FARP1: variants seen among roughly 807,000 people sequenced by gnomAD.
FARP1 encodes the protein FERM, ARH/RhoGEF and pleckstrin domain protein 1.
Under a neutral mutation model 128.8 loss-of-function variants are expected in FARP1, and 52 were observed. That is an observed-to-expected ratio of 0.40 (90% CI 0.32 to 0.51). FARP1 has a LOEUF of 0.51. FARP1 is among the 20% of genes least tolerant of loss of function. FARP1 has a pLI of 0.45. For synonymous variants in FARP1, 580 were observed against 551.8 expected (o/e 1.05, Z -0.72); for missense variants, 1,333 against 1,367.9 (o/e 0.97, Z 0.40).
At chr13:98,182,448 C>T (rs1403499520) in intron 1 of FARP1, among the ~76,000 whole-genome samples, 3 of 152,162 alleles carry the variant, frequency 2.0e-5, no homozygotes, top group South Asian at 2.1e-4. Context: ...ATCTCAGCCT[C>T]CTGAGTAGCT....
chr13:98,338,002 T>TA (rs1887814015), intron 2 of FARP1, among the ~76,000 whole-genome samples: 1 of 152,196 alleles, frequency 6.6e-6, no homozygotes, highest in Non-Finnish European at 1.5e-5. Flanking sequence ...AATAGATTCT[T>TA]TGTTTTCTTA....
intron 2 of FARP1, among the ~76,000 whole-genome samples, chr13:98,228,837 T>C (rs762979129): frequency 5.3e-5 from 8 of 152,348 alleles, no homozygotes; most frequent in Non-Finnish European, 1.0e-4. Flanking sequence ...TGCAAAGATA[T>C]AGAATGTTAA....
chr13:98,390,160 G>T (rs757256329), intron 10 of FARP1, 40 bp downstream of exon 10: 4 of 1,590,862 alleles, frequency 2.5e-6, no homozygotes, highest in South Asian at 2.3e-5. Context: ...CTGGGTGCAC[G>T]TTTTTCCTCC....
At chr13:98,360,542 A>G (rs1480501409) in intron 3 of FARP1, among the ~76,000 whole-genome samples, 2 of 152,240 alleles carry the variant, frequency 1.3e-5, no homozygotes, top group African/African-American at 4.8e-5. Context: ...TCCAGAAGCC[A>G]GGGATGGGGG....
chr13:98,390,561 CCAAA>C (rs1203641720), intron 10 of FARP1: 4 of 477,806 alleles, frequency 8.4e-6, no homozygotes, highest in Non-Finnish European at 1.1e-5. Flanking sequence ...TGCTTAGTAA[CCAAA>C]CACAGTTATC....
intron 1 of FARP1, among the ~76,000 whole-genome samples, chr13:98,159,089 G>T (rs186108092): frequency 2.6e-5 from 4 of 152,214 alleles, no homozygotes; most frequent in African/African-American, 9.7e-5. Context: ...TGAGTCTAGT[G>T]TGTGAACAAG....
intron 2 of FARP1, among the ~76,000 whole-genome samples, chr13:98,316,279 A>AG (rs1886716210): frequency 6.6e-6 from 1 of 151,956 alleles, no homozygotes; most frequent in Non-Finnish European, 1.5e-5. Flanking sequence ...TAACAAGCAA[A>AG]ACCCCTAGCC....
chr13:98,367,990 A>G, intron 4 of FARP1, 127 bp from the exon 5 acceptor site: 1 of 682,348 alleles, frequency 1.5e-6, no homozygotes. Flanking sequence ...GTGACTTGGA[A>G]AATGGCAGAT....
At chr13:98,367,593 G>T (rs1299253624) in intron 4 of FARP1, among the ~76,000 whole-genome samples, 1 of 151,822 alleles carries the variant, frequency 6.6e-6, no homozygotes, top group Non-Finnish European at 1.5e-5. Context: ...TTGGTAAGAG[G>T]GTTTATAAGA....
chr13:98,394,908 G>T (rs116779097), intron 12 of FARP1, among the ~76,000 whole-genome samples: 4,758 of 152,266 alleles, frequency 0.031, 157 homozygotes, highest in African/African-American at 0.084. Flanking sequence ...CTAGGTGACA[G>T]AGTAAGATCC....
In FARP1 at chr13:98,263,282, A is replaced by G. The variant is rs1053811702; in HGVS notation, c.171+49869A>G. ...CTCGGCCTCCCAAAGTGCTGAGATT[A>G]CAGGCATGAGCCACCACGCCCGGCC... On this transcript the variant is annotated intron_variant, in intron 2 of 26. Transcript: ENST00000319562. 4.6e-5 allele frequency among the ~76,000 whole-genome samples: 7 copies of G among 152,308 alleles called. No homozygotes were observed. The East Asian group carries it at 1.4e-3, about 29-fold the overall frequency.
At chr13:98,444,865 TGCCGCATGGGCATCAGCCCAGCCCTG>T (rs1892724651) in intron 24 of FARP1, among the ~76,000 whole-genome samples, 1 of 152,240 alleles carries the variant, frequency 6.6e-6, no homozygotes, top group African/African-American at 2.4e-5. Context: ...TGACCCAAGA[TGCCGCATGGGCATCAGCCCAGCCCTG>T]GCCACCACCA....
At chr13:98,413,228 C>G (rs889338453) in intron 16 of FARP1, among the ~76,000 whole-genome samples, 1 of 152,098 alleles carries the variant, frequency 6.6e-6, no homozygotes, top group African/African-American at 2.4e-5. Flanking sequence ...CTGAGAGGCC[C>G]CAGTGGGGAG....
intron 2 of FARP1, among the ~76,000 whole-genome samples, chr13:98,315,269 C>T (rs1886670644): frequency 6.6e-6 from 1 of 152,086 alleles, no homozygotes; most frequent in African/African-American, 2.4e-5. Context: ...CCACCATGCC[C>T]AGCTGTTTAA....
chr13:98,157,251 C>G (rs1003745084), intron 1 of FARP1, among the ~76,000 whole-genome samples: 2 of 152,198 alleles, frequency 1.3e-5, no homozygotes, highest in African/African-American at 4.8e-5. Context: ...ACGAGCCTGG[C>G]TGGAAGAAAC....
chr13:98,181,409 C>G (rs1878502821), intron 1 of FARP1, among the ~76,000 whole-genome samples: 2 of 151,952 alleles, frequency 1.3e-5, no homozygotes, highest in South Asian at 2.1e-4. Flanking sequence ...TTTTGCCTGG[C>G]TGGCAGCGAT....
chr13:98,246,781 A>G (rs1883091505), intron 2 of FARP1, among the ~76,000 whole-genome samples: 1 of 152,220 alleles, frequency 6.6e-6, no homozygotes, highest in Non-Finnish European at 1.5e-5. Flanking sequence ...TGGCTTTGTC[A>G]GAGCTTTCTA....
At chr13:98,283,724 G>A (rs1235682304) in intron 2 of FARP1, among the ~76,000 whole-genome samples, 1 of 152,142 alleles carries the variant, frequency 6.6e-6, no homozygotes, top group Non-Finnish European at 1.5e-5. Flanking sequence ...AGCCTATAAT[G>A]TGGTTAGTTT....
At chr13:98,144,226 G>GTGTA (rs1264975889) in intron 1 of FARP1, among the ~76,000 whole-genome samples, 1 of 151,546 alleles carries the variant, frequency 6.6e-6, no homozygotes, top group Non-Finnish European at 1.5e-5. Flanking sequence ...GTGTGTGTGT[G>GTGTA]TTTTATTTGA....
Sources: allele counts gnomAD v4.1 joint callset (sites outside exome capture counted in the v4.1 genomes callset), GRCh38; gene constraint gnomAD v4.1.1; transcripts MANE v1.5; gene names NCBI Gene and HGNC (gene_info 2026-07-23, HGNC 2026-07-21).